The following CHODL variants were observed in gnomAD, a reference collection of about 807,000 sequenced individuals.
CHODL encodes the protein chondrolectin.
Under a neutral mutation model 34.5 loss-of-function variants are expected in CHODL, and 29 were observed. That is an observed-to-expected ratio of 0.84 (90% CI 0.63 to 1.15). CHODL has a LOEUF of 1.15. Among genes scored for constraint, CHODL ranks in the 50% most tolerant of loss-of-function variants. The pLI is 0.00. For missense variants in CHODL, 332 were observed against 332.5 expected, an observed-to-expected ratio of 1.00 and a Z score of 0.01; for synonymous variants, 125 against 116.1, an observed-to-expected ratio of 1.08 and a Z score of -0.49.
At chr21:18,019,722 A>G (rs892463797) in intron 1 of CHODL, among the ~76,000 whole-genome samples, 1 of 152,214 alleles carries the variant, frequency 6.6e-6, no homozygotes, top group African/African-American at 2.4e-5. Flanking sequence ...AGTAACAAAC[A>G]ATCTCTGACT....
intron 2 of CHODL, among the ~76,000 whole-genome samples, chr21:18,065,756 A>T (rs7282381): frequency 0.015 from 2,243 of 152,320 alleles, 52 homozygotes; most frequent in African/African-American, 0.051. Flanking sequence ...TTGATAGAAT[A>T]TGAAAGACTA....
At chr21:17,970,300 TA>T (rs1194532700) in intron 1 of CHODL, among the ~76,000 whole-genome samples, 2 of 152,180 alleles carry the variant, frequency 1.3e-5, no homozygotes, top group Non-Finnish European at 2.9e-5. Flanking sequence ...GCCACTATTT[TA>T]ATTTTTATCT....
chr21:17,988,968 C>T (rs940017265), intron 1 of CHODL, among the ~76,000 whole-genome samples: 2 of 152,008 alleles, frequency 1.3e-5, no homozygotes, highest in African/African-American at 4.8e-5. Flanking sequence ...CCTGAGGAAT[C>T]GCCACACTGA....
chr21:18,216,006 A>G (rs1356624359), intron 2 of CHODL, among the ~76,000 whole-genome samples: 1 of 152,086 alleles, frequency 6.6e-6, no homozygotes. Context: ...GGTATTATTT[A>G]TCTTTTTCCT....
intron 1 of CHODL, among the ~76,000 whole-genome samples, chr21:18,026,568 T>C (rs887561890): frequency 1.3e-5 from 2 of 152,220 alleles, no homozygotes; most frequent in African/African-American, 2.4e-5. Flanking sequence ...ATGGAACAGA[T>C]GCATGGTGAG....
rs192494348 is a variant in CHODL, at chr21:18,146,094, G to A, written c.-44-110415G>A. Among the ~76,000 whole-genome samples the A allele has an allele frequency of 1.1e-4, 16 of 151,544 alleles. No homozygotes were observed. The East Asian group carries it at 2.5e-3, about 24-fold the overall frequency. On this transcript the variant is annotated intron_variant, in intron 2 of 6. Coordinates refer to the CHODL transcript ENST00000400127. ...AGCAATTCTCCTGCCCCAGCCTCCCGAGTAGCTGAGACTACATTGCCCGCC... is the reference window on the plus strand; with the variant it reads ...AGCAATTCTCCTGCCCCAGCCTCCCAAGTAGCTGAGACTACATTGCCCGCC...
At chr21:17,976,341 T>C (rs754366606) in intron 1 of CHODL, among the ~76,000 whole-genome samples, 165 of 151,694 alleles carry the variant, frequency 1.1e-3, no homozygotes, top group Admixed American at 2.2e-3. Flanking sequence ...TTCTTTTAGT[T>C]GAATGTACAG....
At chr21:17,983,605 A>G (rs955186172) in intron 1 of CHODL, among the ~76,000 whole-genome samples, 2 of 152,102 alleles carry the variant, frequency 1.3e-5, no homozygotes, top group South Asian at 2.1e-4. Context: ...ATTATTGCTT[A>G]ATTTGTATTT....
chr21:18,030,718 GA>G (rs925910433), intron 2 of CHODL, among the ~76,000 whole-genome samples: 1 of 151,886 alleles, frequency 6.6e-6, no homozygotes, highest in African/African-American at 2.4e-5. Context: ...TAGGATTCTG[GA>G]AAAAAATCCT....
Position 18,141,084 on chromosome 21 carries a change from T to A in CHODL, c.-45+113113T>A, listed in dbSNP as rs1195953157. On this transcript the variant is annotated intron_variant, in intron 2 of 6. Coordinates refer to the CHODL transcript ENST00000400127. ...GATATTTTAGACAAAGACAAAAGCATAATGTAGATAAATGCATCAAGCATA... is the reference window on the plus strand; with the variant it reads ...GATATTTTAGACAAAGACAAAAGCAAAATGTAGATAAATGCATCAAGCATA... Among the ~76,000 whole-genome samples the A allele has an allele frequency of 3.3e-5, 5 of 151,950 alleles. No homozygotes were observed. In the East Asian group the frequency reaches 9.6e-4, roughly 29 times the overall value.
chr21:17,957,421 T>G (rs1255896413), intron 1 of CHODL, among the ~76,000 whole-genome samples: 3 of 152,190 alleles, frequency 2.0e-5, no homozygotes, highest in Non-Finnish European at 4.4e-5. Flanking sequence ...CTGATCTTGC[T>G]CTTGCTTCCT....
Position 17,934,618 on chromosome 21 carries a change from T to C in CHODL, c.-145+17218T>C, listed in dbSNP as rs184138852. Among the ~76,000 whole-genome samples the C allele has an allele frequency of 3.0e-3, 456 of 152,316 alleles. 3 individuals carry two copies. Among genetic ancestry groups the C allele is most frequent in the African/African-American group, 0.01 (432 of 41,576 alleles). On this transcript the variant is annotated intron_variant, in intron 1 of 6. Transcript: ENST00000400127. ...TTTTGCTTTTCCAACTGCAAAACAATAGTTGCATATTTTTTGGTCCCTTTA... is the reference window on the plus strand; with the variant it reads ...TTTTGCTTTTCCAACTGCAAAACAACAGTTGCATATTTTTTGGTCCCTTTA...
At chr21:18,019,512 A>G (rs1412515920) in intron 1 of CHODL, among the ~76,000 whole-genome samples, 2 of 152,188 alleles carry the variant, frequency 1.3e-5, no homozygotes, top group African/African-American at 2.4e-5. Flanking sequence ...AATGCTTAAG[A>G]TGATGAGTAC....
chr21:18,038,235 C>G (rs1222441144), intron 2 of CHODL, among the ~76,000 whole-genome samples: 1 of 151,480 alleles, frequency 6.6e-6, no homozygotes, highest in Non-Finnish European at 1.5e-5. Context: ...GTGCATTTCC[C>G]CAAGGTGTCT....
chr21:18,100,838 CT>C (rs977636155), intron 2 of CHODL, among the ~76,000 whole-genome samples: 3 of 152,166 alleles, frequency 2.0e-5, no homozygotes, highest in Admixed American at 1.3e-4. Context: ...TGAAAAAATA[CT>C]TTTGTGAATT....
intron 2 of CHODL, among the ~76,000 whole-genome samples, chr21:18,186,023 G>A (rs1326415603): frequency 1.3e-5 from 2 of 152,056 alleles, no homozygotes; most frequent in Non-Finnish European, 2.9e-5. Context: ...TCAGACCATA[G>A]CAATTGCCTT....
At chr21:17,923,127 T>G (rs976714596) in intron 1 of CHODL, among the ~76,000 whole-genome samples, 1 of 152,010 alleles carries the variant, frequency 6.6e-6, no homozygotes, top group African/African-American at 2.4e-5. Context: ...GGGGTGGGGG[T>G]TGGCTTTGAA....
chr21:18,153,557 T>TA (rs1458870641), intron 2 of CHODL, among the ~76,000 whole-genome samples: 6 of 152,132 alleles, frequency 3.9e-5, no homozygotes, highest in African/African-American at 1.4e-4. Context: ...TTTAAGGACT[T>TA]ACATGATTAT....
At chr21:18,107,874 A>T (rs2065292964) in intron 2 of CHODL, among the ~76,000 whole-genome samples, 1 of 152,246 alleles carries the variant, frequency 6.6e-6, no homozygotes, top group African/African-American at 2.4e-5. Context: ...TGATTCCCAC[A>T]TGACATCTCA....
Sources: gnomAD v4.1 joint callset for allele counts (sites outside exome capture counted in the v4.1 genomes callset) on GRCh38, gnomAD v4.1.1 for gene constraint, MANE v1.5 for transcripts, NCBI Gene and HGNC (gene_info 2026-07-23, HGNC 2026-07-21) for gene names.